SYNJ2: variants seen among roughly 807,000 people sequenced by gnomAD.
The protein encoded by SYNJ2 is synaptojanin 2.
In SYNJ2, 116 loss-of-function variants were observed where a neutral mutation model predicts 141.3. The ratio of observed to expected loss-of-function variants is 0.82; its 90% CI spans 0.71 to 0.96. The LOEUF (loss-of-function observed/expected upper bound fraction) is 0.96. SYNJ2 is among the 40% of genes least tolerant of loss of function. The pLI is 0.00. For synonymous variants in SYNJ2, 745 were observed against 777.7 expected, an observed-to-expected ratio of 0.96 and a Z score of 0.70; for missense variants, 1,873 against 1,934.8, an observed-to-expected ratio of 0.97 and a Z score of 0.60.
intron 25 of SYNJ2, among the ~76,000 whole-genome samples, chr6:158,091,462 C>T (rs1467991098): frequency 6.7e-6 from 1 of 150,026 alleles, no homozygotes; most frequent in East Asian, 2.0e-4. Context: ...AAGAATGGGG[C>T]TGGGTGCTGG....
chr6:158,071,867 C>A lies in SYNJ2; in HGVS notation c.2133+73C>A. On this transcript the variant is annotated intron_variant, in intron 15 of 26. Transcript: ENST00000355585. This position sits in a 1 kb window ranked among gnomAD's most constrained non-coding sequence, Gnocchi z 4.3. The stretch of plus-strand genomic sequence containing the variant: ...CCCAAATGTGACTGTTGATAGGAGC[C>A]AGGCACTGGGGACACAACCACAGGG... 6.6e-7 allele frequency: 1 copy of A among 1,526,282 alleles called. No homozygotes were observed. The highest frequency in any genetic ancestry group is 8.8e-7 in the Non-Finnish European group (1 of 1,131,916). The allele number at this position is 1,526,282 out of a possible 1,614,324, so 94.5% of individuals were successfully genotyped here. A position where few individuals can be genotyped will look rare whatever the true frequency, so the allele number is the denominator to read the frequency against.
chr6:158,058,923 A>T (rs950497043), intron 6 of SYNJ2, among the ~76,000 whole-genome samples: 12 of 152,246 alleles, frequency 7.9e-5, no homozygotes, highest in African/African-American at 2.9e-4. Flanking sequence ...ACAGACTGAG[A>T]TCCTGTCTCA....
In SYNJ2 at chr6:158,070,392, C is replaced by G. The variant is rs962066632; in HGVS notation, c.1940+719C>G. On this transcript the variant is annotated intron_variant, in intron 14 of 26. Transcript: ENST00000355585. The surrounding 1 kb of genome is among the most constrained non-coding windows in gnomAD (Gnocchi z 4.0). ...GGTACACCCCTGCAGCACCTGGAGA[C>G]TAAGACTATGCTGCCCATAATCCTC... 1.5e-5 allele frequency: 15 copies of G among 985,374 alleles called. 1 individual carries two copies. In the Admixed American group the frequency reaches 7.4e-4, roughly 48 times the overall value. 61.0% of individuals were successfully genotyped at this position (985,374 alleles called of 1,614,324 possible).
At position 158,040,583 on chromosome 6, in the gene SYNJ2, C is replaced by T. The variant is rs1057445688; in HGVS notation, c.712-2733C>T. 2.6e-5 allele frequency among the ~76,000 whole-genome samples: 4 copies of T among 151,982 alleles called. No homozygotes were observed. Among genetic ancestry groups the T allele is most frequent in the African/African-American group, 9.7e-5 (4 of 41,370 alleles). The stretch of plus-strand genomic sequence containing the variant: ...AATATTTGGCTATTCAAGATAAGGC[C>T]ACTGACTCATTCAGGGAGGTTAGGA... On this transcript the variant is annotated intron_variant, in intron 4 of 26. Coordinates refer to ENST00000355585, the MANE Select transcript of SYNJ2 (RefSeq NM_003898.4). This position sits in a 1 kb window ranked among gnomAD's most constrained non-coding sequence, Gnocchi z 4.2.
At chr6:158,018,531 T>C (rs1478923249) in intron 2 of SYNJ2, among the ~76,000 whole-genome samples, 1 of 152,212 alleles carries the variant, frequency 6.6e-6, no homozygotes, top group Non-Finnish European at 1.5e-5. Context: ...AAAAGCACGG[T>C]TACGTTGGCC....
At chr6:158,035,379 TA>T (rs1779584597) in intron 4 of SYNJ2, among the ~76,000 whole-genome samples, 1 of 152,244 alleles carries the variant, frequency 6.6e-6, no homozygotes, top group African/African-American at 2.4e-5. Context: ...ATTCTCATTG[TA>T]GAGATCTTTC....
Position 158,071,725 on chromosome 6 carries a change from C to T in SYNJ2, c.2064C>T (p.Ala688=), listed in dbSNP as rs756320625. The T allele has an allele frequency of 1.6e-5, 26 of 1,613,942 alleles. No individual in the cohort carries two copies. The highest frequency in any genetic ancestry group is 1.2e-4 in the Admixed American group (7 of 60,008). ...GCTTCATATGTAGTCACCTGACGGC[C>T]GGGCAGTCCCAGGTGAAGGAGCGGA... is the stretch of plus-strand genomic sequence containing the variant. The part of the protein sequence containing the change: ...SFCFICSHLT[A]GQSQVKERNE... Residue 688 remains alanine (A), a synonymous_variant, in exon 15 of 27, where the codon GCC becomes GCT. Coordinates refer to ENST00000355585, the MANE Select transcript of SYNJ2 (RefSeq NM_003898.4). The surrounding 1 kb of genome is among the most constrained non-coding windows in gnomAD (Gnocchi z 4.3).
At chr6:158,094,582 T>C (rs1291179064) in intron 26 of SYNJ2, among the ~76,000 whole-genome samples, 1 of 152,332 alleles carries the variant, frequency 6.6e-6, no homozygotes, top group Non-Finnish European at 1.5e-5. Flanking sequence ...TGTCTTTTCT[T>C]GTAAAAGCCA....
At chr6:158,061,264 C>A (rs1248634383) in intron 7 of SYNJ2, among the ~76,000 whole-genome samples, 1 of 152,234 alleles carries the variant, frequency 6.6e-6, no homozygotes, top group Non-Finnish European at 1.5e-5. Flanking sequence ...GGGTGAGAGG[C>A]CTGGAAGCCG....
intron 5 of SYNJ2, among the ~76,000 whole-genome samples, chr6:158,054,712 G>A (rs1024128399): frequency 2.0e-5 from 3 of 152,212 alleles, no homozygotes; most frequent in Admixed American, 6.5e-5. Context: ...TGGAAGAATT[G>A]CAGCAGACAT....
At position 158,062,447 on chromosome 6, in the gene SYNJ2, G is replaced by C. The variant is rs571721257; in HGVS notation, c.1127+283G>C. Among the ~76,000 whole-genome samples the C allele has an allele frequency of 7.2e-5, 11 of 152,200 alleles. No homozygotes were observed. In the South Asian group the frequency reaches 2.3e-3, roughly 32 times the overall value. On this transcript the variant is annotated intron_variant, in intron 8 of 26. Transcript: ENST00000355585. ...TTTGAATTTCTCAAGGAGATGTTGA[G>C]TCATGGTTTTCTGGCAAAAGAAATG...
chr6:158,070,232 A>G lies in SYNJ2; in HGVS notation c.1940+559A>G. The G allele has an allele frequency of 1.0e-6, 1 of 985,456 alleles. No individual in the cohort carries two copies. Among genetic ancestry groups the G allele is most frequent in the Non-Finnish European group, 1.2e-6 (1 of 830,020 alleles). 61.0% of individuals were successfully genotyped at this position (985,456 alleles called of 1,614,324 possible). On this transcript the variant is annotated intron_variant, in intron 14 of 26. Coordinates refer to ENST00000355585, the MANE Select transcript of SYNJ2 (RefSeq NM_003898.4). The surrounding 1 kb of genome is among the most constrained non-coding windows in gnomAD (Gnocchi z 4.0). The stretch of plus-strand genomic sequence containing the variant: ...TTTTCCCCAGCTTGTGGTTGGCCTC[A>G]TCTTACCACCTGGGCCTACCCATGG...
chr6:158,066,746 C>T (rs923403099), intron 12 of SYNJ2, 111 bp downstream of exon 12: 7 of 1,273,422 alleles, frequency 5.5e-6, no homozygotes, highest in South Asian at 2.6e-5. Flanking sequence ...TGGTGTCTTC[C>T]CTCCTCACAA....
chr6:158,005,492 G>A (rs933896595), intron 1 of SYNJ2, among the ~76,000 whole-genome samples: 1 of 151,988 alleles, frequency 6.6e-6, no homozygotes, highest in African/African-American at 2.4e-5. Context: ...GCCCTGCCTT[G>A]CACTCACCCT....
intron 4 of SYNJ2, among the ~76,000 whole-genome samples, chr6:158,034,162 G>A (rs572444064): frequency 6.2e-4 from 95 of 152,336 alleles, no homozygotes; most frequent in African/African-American, 2.2e-3. Context: ...GTGTTAAGCA[G>A]CCGCTCCCAT....
intron 1 of SYNJ2, among the ~76,000 whole-genome samples, chr6:157,993,156 C>T (rs1562310621): frequency 6.6e-6 from 1 of 150,802 alleles, no homozygotes; most frequent in Non-Finnish European, 1.5e-5. Flanking sequence ...CAACTGTGTA[C>T]AAGGGTTTCC....
chr6:158,025,985 A>G (rs1779022798), intron 2 of SYNJ2, among the ~76,000 whole-genome samples: 1 of 129,912 alleles, frequency 7.7e-6, no homozygotes, highest in African/African-American at 2.9e-5. Context: ...ACATGCATAC[A>G]TACATACATA....
intron 26 of SYNJ2, chr6:158,093,853 A>G (rs746507711): frequency 2.6e-6 from 2 of 762,992 alleles, no homozygotes; most frequent in Admixed American, 1.7e-5. Flanking sequence ...AGCCTACGAG[A>G]GGTTCCACAG....
At chr6:158,032,200 G>C in intron 3 of SYNJ2, among the ~76,000 whole-genome samples, 1 of 152,108 alleles carries the variant, frequency 6.6e-6, no homozygotes, top group East Asian at 1.9e-4. Flanking sequence ...CCCTGTGGGG[G>C]TGCATGTGGC....
Sources: allele counts gnomAD v4.1 joint callset (sites outside exome capture counted in the v4.1 genomes callset), GRCh38; gene constraint gnomAD v4.1.1; non-coding constraint Gnocchi (gnomAD v3.1); transcripts MANE v1.5; gene names NCBI Gene and HGNC (gene_info 2026-07-23, HGNC 2026-07-21).